CSMD1: variants seen among roughly 807,000 people sequenced by gnomAD.
CSMD1 encodes the protein CUB and sushi domain-containing protein 1.
A neutral mutation model predicts 417.5 loss-of-function variants in CSMD1; 213 were observed. The observed-to-expected ratio is 0.51, with a 90% CI of 0.46 to 0.57. The LOEUF (loss-of-function observed/expected upper bound fraction) is 0.57, where lower values mean the gene tolerates loss of function less well. Among genes scored for constraint, CSMD1 ranks in the 20% least tolerant of loss-of-function variants. CSMD1 has a pLI of 0.00. For synonymous variants in CSMD1, 2,862 were observed against 1,736.8 expected (o/e 1.65, Z -16.11); for missense variants, 6,923 against 4,529.7 (o/e 1.53, Z -15.17).
chr8:3,986,265 C>T (rs1814313288), intron 5 of CSMD1, among the ~76,000 whole-genome samples: 1 of 152,134 alleles, frequency 6.6e-6, no homozygotes, highest in African/African-American at 2.4e-5. Flanking sequence ...TGGCTGAGGG[C>T]ATCAACATTC....
chr8:3,872,354 G>A (rs1278454335), intron 5 of CSMD1, among the ~76,000 whole-genome samples: 4 of 152,180 alleles, frequency 2.6e-5, no homozygotes, highest in Non-Finnish European at 5.9e-5. Flanking sequence ...AGTGCCAGGT[G>A]CTGTGTTGGC....
intron 12 of CSMD1, among the ~76,000 whole-genome samples, chr8:3,444,938 G>T (rs533621788): frequency 9.1e-4 from 139 of 152,236 alleles, no homozygotes; most frequent in African/African-American, 3.2e-3. Context: ...CTCCTGATGG[G>T]AGAAAACACC....
At position 3,009,177 on chromosome 8, in the gene CSMD1, G is replaced by C. The variant is rs186987434; in HGVS notation, c.8030-9046C>G. Reference sequence around the variant, plus strand: ...CCCTCTCACCAGGTCTCCCACACACGCACTTTTGCCCCTAGAGGGGCCTAC... The same window carrying C: ...CCCTCTCACCAGGTCTCCCACACACCCACTTTTGCCCCTAGAGGGGCCTAC... On this transcript the variant is annotated intron_variant, in intron 52 of 69. Coordinates refer to ENST00000635120, the MANE Select transcript of CSMD1 (RefSeq NM_033225.6). Among the ~76,000 whole-genome samples the C allele has an allele frequency of 4.3e-4, 65 of 152,272 alleles. 1 individual carries two copies. The East Asian group carries it at 9.7e-3, about 23-fold the overall frequency.
At chr8:3,358,139 G>T (rs989598843) in intron 21 of CSMD1, among the ~76,000 whole-genome samples, 3 of 152,096 alleles carry the variant, frequency 2.0e-5, no homozygotes, top group Non-Finnish European at 4.4e-5. Context: ...TGTTTTATAT[G>T]GACTGTTAAA....
At chr8:3,733,285 A>T (rs1052939255) in intron 6 of CSMD1, among the ~76,000 whole-genome samples, 1 of 64,254 alleles carries the variant, frequency 1.6e-5, no homozygotes. Flanking sequence ...TATATGCATA[A>T]ATATACATAT....
At chr8:3,984,525 C>A (rs377570925) in intron 5 of CSMD1, among the ~76,000 whole-genome samples, 2 of 151,520 alleles carry the variant, frequency 1.3e-5, no homozygotes, top group East Asian at 3.9e-4. Context: ...AATAAGTACA[C>A]TATTTTGATT....
intron 2 of CSMD1, among the ~76,000 whole-genome samples, chr8:4,430,488 A>G (rs4483180): frequency 0.77 from 117,559 of 151,970 alleles, 45,957 homozygotes; most frequent in Middle Eastern, 0.89. Flanking sequence ...GTATATCATA[A>G]TTTGCACTAA....
intron 2 of CSMD1, among the ~76,000 whole-genome samples, chr8:4,595,469 T>C (rs963999781): frequency 2.0e-5 from 3 of 151,932 alleles, no homozygotes; most frequent in Non-Finnish European, 1.5e-5. Context: ...TCTGGTTCTG[T>C]GGCTTCCTTT....
At chr8:3,545,690 A>G (rs1210499451) in intron 10 of CSMD1, among the ~76,000 whole-genome samples, 1 of 152,208 alleles carries the variant, frequency 6.6e-6, no homozygotes, top group Non-Finnish European at 1.5e-5. Flanking sequence ...AATTGAGGAC[A>G]CTTAACTGCG....
At chr8:3,755,825 T>C (rs1354702496) in intron 5 of CSMD1, among the ~76,000 whole-genome samples, 3 of 152,108 alleles carry the variant, frequency 2.0e-5, no homozygotes, top group Non-Finnish European at 2.9e-5. Flanking sequence ...GTAAGAGAAG[T>C]ACACTGCTCA....
At chr8:4,193,906 G>A (rs1003170506) in intron 3 of CSMD1, among the ~76,000 whole-genome samples, 2 of 151,604 alleles carry the variant, frequency 1.3e-5, no homozygotes, top group African/African-American at 4.9e-5. Flanking sequence ...GAAGGAAAGC[G>A]GCAGGAGAAA....
At chr8:3,868,927 C>A (rs1343883540) in intron 5 of CSMD1, among the ~76,000 whole-genome samples, 1 of 152,154 alleles carries the variant, frequency 6.6e-6, no homozygotes, top group Admixed American at 6.5e-5. Flanking sequence ...CTGGCTAACA[C>A]CCCAGAGCCA....
At chr8:3,311,347 T>G (rs953675866) in intron 23 of CSMD1, among the ~76,000 whole-genome samples, 2 of 152,130 alleles carry the variant, frequency 1.3e-5, no homozygotes, top group African/African-American at 4.8e-5. Flanking sequence ...TCTCCTGGGT[T>G]CCAGTGATTC....
chr8:3,029,572 G>A, intron 50 of CSMD1, 59 bp from the exon 51 acceptor site: 5 of 1,450,150 alleles, frequency 3.4e-6, no homozygotes, highest in Non-Finnish European at 4.7e-6. Flanking sequence ...ATCAGACCGT[G>A]CTTGCTTTGG....
intron 3 of CSMD1, among the ~76,000 whole-genome samples, chr8:4,044,977 A>T (rs1470776188): frequency 6.6e-6 from 1 of 152,238 alleles, no homozygotes; most frequent in African/African-American, 2.4e-5. Context: ...TTGTTCACGG[A>T]GGAGTTTCTA....
chr8:3,417,066 T>C (rs762719628), intron 12 of CSMD1, among the ~76,000 whole-genome samples: 7 of 152,212 alleles, frequency 4.6e-5, no homozygotes, highest in Admixed American at 1.3e-4. Context: ...CACGTTCTGC[T>C]CCCACGGTTG....
chr8:3,969,192 G>C (rs1260903335), intron 5 of CSMD1, among the ~76,000 whole-genome samples: 4 of 152,196 alleles, frequency 2.6e-5, no homozygotes, highest in East Asian at 1.9e-4. Flanking sequence ...AGTGGTTGCA[G>C]TGAGCCTAGA....
chr8:4,358,163 A>G (rs933492634), intron 3 of CSMD1, among the ~76,000 whole-genome samples: 4 of 152,232 alleles, frequency 2.6e-5, no homozygotes, highest in Admixed American at 6.5e-5. Context: ...ATGCAAAATT[A>G]TGATGACGTT....
intron 26 of CSMD1, among the ~76,000 whole-genome samples, chr8:3,244,015 CGATA>C (rs1365592305): frequency 6.6e-6 from 1 of 152,020 alleles, no homozygotes; most frequent in Non-Finnish European, 1.5e-5. Context: ...CTGCGTACCT[CGATA>C]GATAAAATGC....
Sources: gnomAD v4.1 joint callset for allele counts (sites outside exome capture counted in the v4.1 genomes callset) on GRCh38, gnomAD v4.1.1 for gene constraint, MANE v1.5 for transcripts, NCBI Gene and HGNC (gene_info 2026-07-23, HGNC 2026-07-21) for gene names.